Variants in CREB5 observed in about 807,000 individuals in gnomAD.
CREB5 encodes the protein cAMP responsive element binding protein 5.
In CREB5, 19 loss-of-function variants were observed where a neutral mutation model predicts 57.1. That is an observed-to-expected ratio of 0.33 (90% CI 0.23 to 0.49). The LOEUF (loss-of-function observed/expected upper bound fraction) is 0.49, where lower values mean the gene tolerates loss of function less well. CREB5 is among the 20% of genes least tolerant of loss of function. The pLI, the probability that CREB5 is intolerant of heterozygous loss-of-function variation, is 0.99. For missense variants in CREB5, 579 were observed against 671.6 expected (o/e 0.86, Z 1.52); for synonymous variants, 238 against 238.3 (o/e 1.00, Z 0.01).
intron 7 of CREB5, among the ~76,000 whole-genome samples, chr7:28,770,270 A>C (rs1183764027): frequency 6.6e-6 from 1 of 152,214 alleles, no homozygotes; most frequent in Non-Finnish European, 1.5e-5. Context: ...TTGGAGGAAC[A>C]AGCTCATTGC....
At chr7:28,436,722 T>G (rs1365490293) in intron 1 of CREB5, among the ~76,000 whole-genome samples, 1 of 152,124 alleles carries the variant, frequency 6.6e-6, no homozygotes, top group African/African-American at 2.4e-5. Context: ...AGCATTAGGT[T>G]TGAAATGAGA....
chr7:28,387,426 GT>G (rs1213209797), intron 1 of CREB5, among the ~76,000 whole-genome samples: 5 of 150,246 alleles, frequency 3.3e-5, no homozygotes, highest in Admixed American at 6.6e-5. Flanking sequence ...GGGGTTGTTT[GT>G]TTTTTTTTCT....
At chr7:28,561,530 T>C (rs923916245) in intron 4 of CREB5, among the ~76,000 whole-genome samples, 2 of 152,228 alleles carry the variant, frequency 1.3e-5, no homozygotes, top group Admixed American at 6.5e-5. Flanking sequence ...ATTTAATCTT[T>C]ACAAAAACCT....
intron 2 of CREB5, 94 bp from the exon 3 acceptor site, chr7:28,494,812 G>A (rs1791953057): frequency 1.4e-6 from 1 of 724,388 alleles, no homozygotes; most frequent in Non-Finnish European, 2.1e-6. Flanking sequence ...TGTTTGCAAT[G>A]CTAAATAAGT....
intron 1 of CREB5, among the ~76,000 whole-genome samples, chr7:28,484,807 T>C (rs956878952): frequency 6.6e-6 from 1 of 152,200 alleles, no homozygotes; most frequent in African/African-American, 2.4e-5. Context: ...CATGATTTCT[T>C]ATACTGACAT....
At chr7:28,367,737 G>C (rs1006247720) in intron 1 of CREB5, among the ~76,000 whole-genome samples, 14 of 152,164 alleles carry the variant, frequency 9.2e-5, no homozygotes, top group African/African-American at 3.4e-4. Flanking sequence ...GAACCCGGGA[G>C]GCAGAATTTG....
At chr7:28,528,708 A>G (rs1041043353) in intron 4 of CREB5, among the ~76,000 whole-genome samples, 11,117 of 119,484 alleles carry the variant, frequency 0.093, 88 homozygotes, top group African/African-American at 0.11. Context: ...CCATCTCAAA[A>G]AAAAAAAAAA....
Position 28,520,115 on chromosome 7 carries a change from TG to T in CREB5, c.291+12381del, listed in dbSNP as rs1231446274. ...TACTTTGTTTAGTTGCATCGTGGTA[TG>T]GGTTCAGCTCATCCGCCTGGATTAC... On this transcript the variant is annotated intron_variant, in intron 4 of 10. Coordinates refer to ENST00000357727, the MANE Select transcript of CREB5 (RefSeq NM_182898.4). 2.0e-5 allele frequency among the ~76,000 whole-genome samples: 3 copies of T among 152,230 alleles called. No individual in the cohort carries two copies. The East Asian group carries it at 5.8e-4, about 29-fold the overall frequency.
intron 1 of CREB5, among the ~76,000 whole-genome samples, chr7:28,379,755 C>A (rs1336571518): frequency 7.9e-5 from 12 of 152,206 alleles, no homozygotes; most frequent in Non-Finnish European, 1.5e-5. Flanking sequence ...GAATACTGAT[C>A]TAGGTCAATG....
intron 1 of CREB5, among the ~76,000 whole-genome samples, chr7:28,368,326 C>T (rs997507906): frequency 9.9e-5 from 15 of 152,182 alleles, no homozygotes; most frequent in South Asian, 2.1e-4. Context: ...CAAATTTCAA[C>T]GCTATACAAT....
intron 5 of CREB5, among the ~76,000 whole-genome samples, chr7:28,666,504 T>A (rs1799829441): frequency 6.6e-6 from 1 of 152,154 alleles, no homozygotes; most frequent in African/African-American, 2.4e-5. Context: ...CAGGTGCGGC[T>A]TTTTTGAGAA....
chr7:28,323,205 T>C (rs1785522936), intron 1 of CREB5, among the ~76,000 whole-genome samples: 1 of 152,190 alleles, frequency 6.6e-6, no homozygotes, highest in Non-Finnish European at 1.5e-5. Flanking sequence ...AACCCACAAC[T>C]ACCTACTATG....
chr7:28,303,446 T>G (rs1383847596), intron 1 of CREB5, among the ~76,000 whole-genome samples: 3 of 152,208 alleles, frequency 2.0e-5, no homozygotes, highest in Non-Finnish European at 4.4e-5. Flanking sequence ...AGGGGGAAAT[T>G]AGCCAGCCTT....
At chr7:28,664,897 G>A (rs73083717) in intron 5 of CREB5, among the ~76,000 whole-genome samples, 1,711 of 152,236 alleles carry the variant, frequency 0.011, 21 homozygotes, top group Non-Finnish European at 0.017. Flanking sequence ...AAATAATGAG[G>A]GTTGTAAAAG....
chr7:28,305,416 G>T lies in CREB5; in HGVS notation c.-25+5975G>T, dbSNP rs148573073. ...TGGAGGCCAACCCACTGTTTCCTTCGACATCAGTGTGGACGTCAGGGGAAC... is the reference window on the plus strand; with the variant it reads ...TGGAGGCCAACCCACTGTTTCCTTCTACATCAGTGTGGACGTCAGGGGAAC... On this transcript the variant is annotated intron_variant, in intron 1 of 9. Transcript: ENST00000396299. 3.4e-3 allele frequency among the ~76,000 whole-genome samples: 513 copies of T among 152,240 alleles called. 2 individuals are homozygous for T. Among genetic ancestry groups the T allele is most frequent in the African/African-American group, 0.012 (482 of 41,550 alleles).
intron 1 of CREB5, among the ~76,000 whole-genome samples, chr7:28,371,392 G>C (rs1786701453): frequency 6.6e-6 from 1 of 151,698 alleles, no homozygotes; most frequent in East Asian, 1.9e-4. Flanking sequence ...GGGAGGTTGA[G>C]GCAGGAGAAT....
intron 1 of CREB5, among the ~76,000 whole-genome samples, chr7:28,441,961 C>T (rs1789204153): frequency 6.6e-6 from 1 of 152,082 alleles, no homozygotes; most frequent in Non-Finnish European, 1.5e-5. Flanking sequence ...TATTCGAATG[C>T]CCTCTTCTAG....
intron 4 of CREB5, among the ~76,000 whole-genome samples, chr7:28,568,085 G>C (rs1795552462): frequency 6.6e-6 from 1 of 152,202 alleles, no homozygotes; most frequent in African/African-American, 2.4e-5. Context: ...GATGATGGCA[G>C]TTGGTTATAG....
intron 1 of CREB5, among the ~76,000 whole-genome samples, chr7:28,312,193 A>G (rs1785292157): frequency 6.7e-6 from 1 of 149,728 alleles, no homozygotes; most frequent in South Asian, 2.1e-4. Context: ...CTAATTGATA[A>G]AAAAAAAAAA....
Sources: allele counts gnomAD v4.1 joint callset (sites outside exome capture counted in the v4.1 genomes callset), GRCh38; gene constraint gnomAD v4.1.1; transcripts MANE v1.5; gene names NCBI Gene and HGNC (gene_info 2026-07-23, HGNC 2026-07-21).